The following RASSF8 variants were observed in gnomAD, a reference collection of about 807,000 sequenced individuals.
The protein encoded by RASSF8 is Ras association domain family member 8.
Under a neutral mutation model 48.5 loss-of-function variants are expected in RASSF8, and 22 were observed. The observed-to-expected ratio is 0.45, with a 90% confidence interval of 0.32 to 0.65. RASSF8 has a LOEUF of 0.65. Ranked by LOEUF, RASSF8 falls within the 30% of genes least tolerant of loss-of-function variation. The pLI, the probability that RASSF8 is intolerant of heterozygous loss-of-function variation, is 0.03. For synonymous variants in RASSF8, 127 were observed against 171.5 expected (o/e 0.74, Z 2.03); for missense variants, 418 against 489.2 (o/e 0.85, Z 1.37).
At chr12:25,974,696 T>G (rs989726025) in intron 1 of RASSF8, among the ~76,000 whole-genome samples, 2 of 152,212 alleles carry the variant, frequency 1.3e-5, no homozygotes, top group East Asian at 3.8e-4. Context: ...CTTGCAAACC[T>G]ATACATTTAT....
intron 2 of RASSF8, among the ~76,000 whole-genome samples, chr12:26,042,606 G>C (rs1426257929): frequency 6.6e-6 from 1 of 151,892 alleles, no homozygotes; most frequent in Non-Finnish European, 1.5e-5. Context: ...ATTTTATACT[G>C]TGCTGATTTT....
intron 5 of RASSF8, 29 bp downstream of exon 5, chr12:26,067,742 T>C (rs1271393837): frequency 1.2e-6 from 2 of 1,611,616 alleles, no homozygotes; most frequent in East Asian, 2.2e-5. Flanking sequence ...TGGTTTATTT[T>C]CCCTTTATTC....
chr12:26,017,622 G>A (rs77575871), intron 2 of RASSF8, among the ~76,000 whole-genome samples: 2 of 152,102 alleles, frequency 1.3e-5, no homozygotes, highest in African/African-American at 4.8e-5. Context: ...TACCAAAAAC[G>A]CACCCAAGGT....
Position 26,071,108 on chromosome 12 carries a change from A to G in RASSF8, c.*2290A>G, listed in dbSNP as rs1943990982. The G allele has an allele frequency of 2.1e-6, 2 of 971,982 alleles. No individual in the cohort carries two copies. Among genetic ancestry groups the G allele is most frequent in the Admixed American group, 6.2e-5 (1 of 16,240 alleles). The allele number at this position is 971,982 out of a possible 1,614,324, so 60.2% of individuals were successfully genotyped here. On this transcript the variant is annotated 3_prime_UTR_variant, in exon 6 of 6. Transcript: ENST00000689635. ...ATAGAAATGTGAATATGTTGAATACATTGAGAAGCTGTACTTTTTAATTAG... is the reference window on the plus strand; with the variant it reads ...ATAGAAATGTGAATATGTTGAATACGTTGAGAAGCTGTACTTTTTAATTAG...
chr12:26,037,747 G>T (rs369799397), intron 2 of RASSF8, among the ~76,000 whole-genome samples: 1 of 152,170 alleles, frequency 6.6e-6, no homozygotes, highest in African/African-American at 2.4e-5. Flanking sequence ...TAGGAGGTGG[G>T]TGCTAAAGAG....
At chr12:25,998,847 C>G (rs1382379414) in intron 2 of RASSF8, among the ~76,000 whole-genome samples, 1 of 151,712 alleles carries the variant, frequency 6.6e-6, no homozygotes, top group African/African-American at 2.4e-5. Context: ...CATGGCTAGT[C>G]TAATTAATAA....
intron 2 of RASSF8, among the ~76,000 whole-genome samples, chr12:26,040,586 C>T (rs1943243247): frequency 1.3e-5 from 2 of 152,158 alleles, no homozygotes; most frequent in Non-Finnish European, 2.9e-5. Context: ...TGAATAGTTA[C>T]AGATAGATAC....
intron 2 of RASSF8, among the ~76,000 whole-genome samples, chr12:26,027,877 CAG>C (rs1196281000): frequency 6.6e-6 from 1 of 152,036 alleles, no homozygotes; most frequent in Non-Finnish European, 1.5e-5. Context: ...CAGAAGATGA[CAG>C]AGGGGAATGA....
chr12:26,062,016 A>G (rs753916754), intron 3 of RASSF8, among the ~76,000 whole-genome samples: 24 of 152,220 alleles, frequency 1.6e-4, no homozygotes, highest in Non-Finnish European at 3.2e-4. Flanking sequence ...TTATGAATAA[A>G]TTAGGGTCTT....
intron 2 of RASSF8, among the ~76,000 whole-genome samples, chr12:25,999,629 G>A (rs1384410161): frequency 6.6e-6 from 1 of 152,186 alleles, no homozygotes; most frequent in African/African-American, 2.4e-5. Context: ...TCCGGAGGCT[G>A]AGGTGGGAGG....
intron 2 of RASSF8, among the ~76,000 whole-genome samples, chr12:26,006,369 C>T (rs975866358): frequency 1.3e-5 from 2 of 152,166 alleles, no homozygotes; most frequent in South Asian, 4.1e-4. Context: ...TCTCTAAAAC[C>T]TCCAGTCTCC....
intron 2 of RASSF8, among the ~76,000 whole-genome samples, chr12:25,998,798 A>C (rs16929857): frequency 6.6e-6 from 1 of 151,860 alleles, no homozygotes; most frequent in East Asian, 1.9e-4. Flanking sequence ...ATGTGTGTCC[A>C]TTCATTTAAG....
chr12:26,020,724 G>T (rs1185066660), intron 2 of RASSF8, among the ~76,000 whole-genome samples: 3 of 151,962 alleles, frequency 2.0e-5, no homozygotes, highest in Non-Finnish European at 1.5e-5. Flanking sequence ...TACTTACATT[G>T]TGAACCAAAT....
chr12:26,047,435 G>T (rs377417252), intron 2 of RASSF8, among the ~76,000 whole-genome samples: 31 of 152,260 alleles, frequency 2.0e-4, no homozygotes, highest in Middle Eastern at 3.4e-3. Flanking sequence ...AACATCTTCT[G>T]TACTGGGCCC....
intron 1 of RASSF8, among the ~76,000 whole-genome samples, chr12:25,973,203 TA>T (rs1433137944): frequency 2.3e-4 from 30 of 130,338 alleles, no homozygotes; most frequent in African/African-American, 9.0e-4. Context: ...AAAAGATCGC[TA>T]TTTTTTTTTT....
chr12:26,053,237 G>A lies in RASSF8; in HGVS notation c.-108-1999G>A, dbSNP rs574376366. On this transcript the variant is annotated intron_variant, in intron 2 of 5. Transcript: ENST00000689635. ...CATTTGAAATGATGGGTTTCTTGGT[G>A]GCAGGGGGGCTTTAATGAGATCTGT... is the stretch of plus-strand genomic sequence containing the variant. 2.6e-5 allele frequency among the ~76,000 whole-genome samples: 4 copies of A among 151,614 alleles called. No individual in the cohort carries two copies. The South Asian group carries it at 8.4e-4, about 32-fold the overall frequency.
intron 1 of RASSF8, among the ~76,000 whole-genome samples, chr12:25,961,995 T>G (rs752427611): frequency 6.6e-6 from 1 of 152,116 alleles, no homozygotes; most frequent in Non-Finnish European, 1.5e-5. Flanking sequence ...TTTTCCTTGG[T>G]GCGGTGCCTC....
At chr12:25,974,955 A>G (rs1482993226) in intron 1 of RASSF8, among the ~76,000 whole-genome samples, 2 of 152,204 alleles carry the variant, frequency 1.3e-5, no homozygotes, top group African/African-American at 4.8e-5. Flanking sequence ...ATAAGAACCA[A>G]TCTTATCTTT....
At chr12:25,972,663 T>G (rs1941510176) in intron 1 of RASSF8, among the ~76,000 whole-genome samples, 1 of 152,180 alleles carries the variant, frequency 6.6e-6, no homozygotes, top group African/African-American at 2.4e-5. Flanking sequence ...ATTTTTGTAT[T>G]TTTTAAAAAC....
Sources: allele counts gnomAD v4.1 joint callset (sites outside exome capture counted in the v4.1 genomes callset), GRCh38; gene constraint gnomAD v4.1.1; transcripts MANE v1.5; gene names NCBI Gene and HGNC (gene_info 2026-07-23, HGNC 2026-07-21).